Variants in GSTM4 observed in about 807,000 individuals in gnomAD.
The protein encoded by GSTM4 is glutathione S-transferase mu 4, also known as GST class-mu 4.
In GSTM4, 27 loss-of-function variants were observed where a neutral mutation model predicts 30.1. That is an observed-to-expected ratio of 0.90 (90% confidence interval 0.66 to 1.24). The LOEUF is 1.24. Ranked by LOEUF, GSTM4 falls within the 50% of genes most tolerant of loss-of-function variation. The pLI, the probability that GSTM4 is intolerant of heterozygous loss-of-function variation, is 0.00. For missense variants in GSTM4, 238 were observed against 272.1 expected (o/e 0.87, Z 0.88); for synonymous variants, 94 against 96.2 (o/e 0.98, Z 0.13).
chr1:109,659,455 AAAG>A lies in GSTM4; in HGVS notation c.567+349_567+351del, dbSNP rs919898050. 1.2e-5 allele frequency: 15 copies of A among 1,237,354 alleles called. No individual in the cohort carries two copies. In the African/African-American group the frequency reaches 2.0e-4, roughly 16 times the overall value. 76.6% of individuals were successfully genotyped at this position (1,237,354 alleles called of 1,614,324 possible). A position where few individuals can be genotyped will look rare whatever the true frequency, so the allele number is the denominator to read the frequency against. On this transcript the variant is annotated intron_variant, in intron 7 of 7. Coordinates refer to ENST00000369836, the MANE Select transcript of GSTM4 (RefSeq NM_000850.5). ...AGGGCTCTCCCTTTTGTGACAAAAG[AAAG>A]AAGCCTCAGGCCTCATCCAGCCTGG...
chr1:109,657,424 T>C (rs1652067704), intron 3 of GSTM4, 145 bp downstream of exon 3: 1 of 1,409,616 alleles, frequency 7.1e-7, no homozygotes, highest in African/African-American at 1.4e-5. Context: ...CCCTGCATGA[T>C]GTTCTGTGTC....
chr1:109,658,561 G>A lies in GSTM4; in HGVS notation c.361-253G>A, dbSNP rs1263436657. 6 of 512,898 alleles carry A rather than the reference G, an allele frequency of 1.2e-5. No homozygotes were observed. The East Asian group carries it at 2.0e-4, about 17-fold the overall frequency. The allele number at this position is 512,898 out of a possible 1,614,324, so 31.8% of individuals were successfully genotyped here. ...GTGCTCCTGGGCTGACCCAGAGGAG[G>A]GTGGTTGGGAGGTCAGTGGGGACAG... On this transcript the variant is annotated intron_variant, in intron 5 of 7. Transcript: ENST00000369836.
In GSTM4 at chr1:109,656,114, CT is replaced by C; in HGVS notation, c.-274del. 2.2e-6 allele frequency: 1 copy of C among 449,656 alleles called. No individual in the cohort carries two copies. Among genetic ancestry groups the C allele is most frequent in the East Asian group, 4.5e-5 (1 of 22,312 alleles). 27.9% of individuals were successfully genotyped at this position (449,656 alleles called of 1,614,324 possible). On this transcript the variant is annotated 5_prime_UTR_variant, in exon 1 of 8. Coordinates refer to ENST00000369836, the MANE Select transcript of GSTM4 (RefSeq NM_000850.5). ...CGAGCCCCTCCTAGTGCTTCCGGAC[CT>C]TGCTCCCTGAACACTCGGAGGTGGC...
chr1:109,657,030 A>T (rs531510187), intron 2 of GSTM4, 185 bp from the exon 3 acceptor site: 1 of 796,968 alleles, frequency 1.3e-6, no homozygotes, highest in Non-Finnish European at 2.2e-6. Flanking sequence ...TGGAAGCCTT[A>T]GCCGTGTGGG....
intron 2 of GSTM4, 93 bp downstream of exon 2, chr1:109,656,880 TC>T: frequency 8.0e-7 from 1 of 1,245,192 alleles, no homozygotes; most frequent in Non-Finnish European, 1.2e-6. Flanking sequence ...TCTGCAGGCC[TC>T]CCCTGCTGGA....
chr1:109,656,684 G>A, intron 1 of GSTM4, 28 bp from the exon 2 acceptor site: 1 of 1,610,334 alleles, frequency 6.2e-7, no homozygotes, highest in South Asian at 1.1e-5. Context: ...CTCCATCTCT[G>A]ACACGACCTG....
At position 109,656,395 on chromosome 1, in the gene GSTM4, C is replaced by T; in HGVS notation, c.6C>T (p.Ser2=). 1.2e-6 allele frequency: 2 copies of T among 1,613,910 alleles called. No individual in the cohort carries two copies. Residue 2 remains serine, a synonymous_variant, in exon 1 of 8, where the codon TCC becomes TCT. Transcript: ENST00000369836. M[S]MTLGYWDIRG... ...AATCGACACCAACCAGCATCATGTC[C>T]ATGACACTGGGGTACTGGGACATCC...
At chr1:109,658,185 C>T (rs117678113) in intron 5 of GSTM4, 8 of 394,488 alleles carry the variant, frequency 2.0e-5, no homozygotes, top group African/African-American at 8.1e-5. Context: ...TCTGCCTGTT[C>T]GGGGAATACG....
downstream of GSTM4, among the ~76,000 whole-genome samples, chr1:109,666,215 C>A (rs1190250957): frequency 6.6e-6 from 1 of 152,152 alleles, no homozygotes; most frequent in Non-Finnish European, 1.5e-5. Context: ...CTCAGCCTCT[C>A]AAGTAGCTGG....
chr1:109,663,002 C>T (rs1364726209), downstream of GSTM4, among the ~76,000 whole-genome samples: 4 of 152,170 alleles, frequency 2.6e-5, no homozygotes, highest in Non-Finnish European at 5.9e-5. Flanking sequence ...TGTGGTTTAT[C>T]AACATAATTC....
At chr1:109,664,886 C>A, downstream of GSTM4, 1 of 973,254 alleles carries the variant, frequency 1.0e-6, no homozygotes, top group South Asian at 1.4e-5. Flanking sequence ...GTATAAAACT[C>A]TCTGTTTACC....
chr1:109,656,614 T>C, intron 1 of GSTM4, 98 bp from the exon 2 acceptor site: 1 of 508,164 alleles, frequency 2.0e-6, no homozygotes. Context: ...GGGGGGGGGG[T>C]GCAGTGCAGT....
downstream of GSTM4, chr1:109,664,976 T>C (rs1343801306): frequency 1.9e-6 from 3 of 1,611,338 alleles, no homozygotes; most frequent in South Asian, 1.1e-5. Context: ...TTCTCTCTAA[T>C]AGGCACAATG....
At chr1:109,663,396 G>A (rs58206785), downstream of GSTM4, among the ~76,000 whole-genome samples, 6,356 of 152,150 alleles carry the variant, frequency 0.042, 423 homozygotes, top group African/African-American at 0.14. Context: ...GGCCAGGTGC[G>A]GTGGCTCACG....
intron 5 of GSTM4, chr1:109,658,342 C>G: frequency 4.6e-6 from 1 of 216,372 alleles, no homozygotes; most frequent in Non-Finnish European, 9.2e-6. Flanking sequence ...CAGGGGCGGC[C>G]AGAGGGCCTT....
chr1:109,665,545 G>C (rs1647289138), downstream of GSTM4: 1 of 153,014 alleles, frequency 6.5e-6, no homozygotes, highest in Non-Finnish European at 1.5e-5. Flanking sequence ...CCCTGACCTA[G>C]TACACATAGC....
downstream of GSTM4, among the ~76,000 whole-genome samples, chr1:109,667,513 A>G (rs951662388): frequency 7.9e-5 from 12 of 152,072 alleles, no homozygotes; most frequent in Admixed American, 3.3e-4. Flanking sequence ...ACTTATGACA[A>G]AAACATCATT....
rs750021682 is a variant in GSTM4, at chr1:109,661,152, T to TC, written c.568-7dup. 2 of 1,612,506 alleles carry TC rather than the reference T, an allele frequency of 1.2e-6. No individual in the cohort carries two copies. Among genetic ancestry groups the TC allele is most frequent in the Non-Finnish European group, 8.5e-7 (1 of 1,179,516 alleles). ...CTGACCTTGAGTTCTGGCCTTATTT[T>TC]CCCCCCTCTCAGGGCTTGGAGAAGA... On this transcript the variant is annotated splice_polypyrimidine_tract_variant and intron_variant, in intron 7 of 7. Transcript: ENST00000369836.
At position 109,656,304 on chromosome 1, in the gene GSTM4, C is replaced by A; in HGVS notation, c.-86C>A. On this transcript the variant is annotated 5_prime_UTR_variant, in exon 1 of 8. Coordinates refer to ENST00000369836, the MANE Select transcript of GSTM4 (RefSeq NM_000850.5). Reference sequence around the variant, plus strand: ...CGAGGGGGCGGGTCTGGCGCTAGGTCCAGCCCCTGCGTGCCGGGAACCCCA... The same window carrying A: ...CGAGGGGGCGGGTCTGGCGCTAGGTACAGCCCCTGCGTGCCGGGAACCCCA... 2 of 1,365,154 alleles carry A rather than the reference C, an allele frequency of 1.5e-6. No individual in the cohort carries two copies. The highest frequency in any genetic ancestry group is 1.2e-5 in the South Asian group (1 of 86,322). The allele number at this position is 1,365,154 out of a possible 1,614,324, so 84.6% of individuals were successfully genotyped here. A position where few individuals can be genotyped will look rare whatever the true frequency, so the allele number is the denominator to read the frequency against.
Sources: gnomAD v4.1 joint callset for allele counts (sites outside exome capture counted in the v4.1 genomes callset) on GRCh38, gnomAD v4.1.1 for gene constraint, MANE v1.5 for transcripts, NCBI Gene and HGNC (gene_info 2026-07-23, HGNC 2026-07-21) for gene names.